Variants in SETD2 observed in about 807,000 individuals in gnomAD.
SETD2 encodes histone-lysine N-methyltransferase SETD2.
SETD2 carries 31 observed loss-of-function variants against 242.1 expected under a neutral mutation model. That is an observed-to-expected ratio of 0.13 (90% CI 0.10 to 0.17). The LOEUF (loss-of-function observed/expected upper bound fraction) is 0.17, where lower values mean the gene tolerates loss of function less well. SETD2 is among the 10% of genes least tolerant of loss of function. The pLI, the probability that SETD2 is intolerant of heterozygous loss-of-function variation, is 1.00. For missense variants in SETD2, 2,481 were observed against 3,046.3 expected (o/e 0.81, Z 4.37); for synonymous variants, 1,006 against 1,066.5 (o/e 0.94, Z 1.11).
At chr3:47,021,713 T>C (rs1338915259) in intron 18 of SETD2, among the ~76,000 whole-genome samples, 1 of 152,194 alleles carries the variant, frequency 6.6e-6, no homozygotes, top group Non-Finnish European at 1.5e-5. Flanking sequence ...GCAAATGGCA[T>C]GGGAAATAAT....
intron 15 of SETD2, among the ~76,000 whole-genome samples, chr3:47,047,648 T>G (rs1203327936): frequency 6.6e-6 from 1 of 152,202 alleles, no homozygotes; most frequent in Non-Finnish European, 1.5e-5. Flanking sequence ...GAATAATTAC[T>G]GACAGGACAC....
intron 1 of SETD2, among the ~76,000 whole-genome samples, chr3:47,153,810 G>T (rs1575852220): frequency 6.7e-6 from 1 of 148,768 alleles, no homozygotes. Flanking sequence ...CTTTTTAAAA[G>T]AAACAAGTAA....
chr3:47,078,518 CCTTT>C (rs2041190322), intron 12 of SETD2, among the ~76,000 whole-genome samples: 1 of 125,390 alleles, frequency 8.0e-6, no homozygotes, highest in Admixed American at 8.5e-5. Context: ...AGATTCTCAG[CCTTT>C]TTTTTTTTTT....
At chr3:47,164,259 C>T (rs57788103), upstream of SETD2, among the ~76,000 whole-genome samples, 2 of 152,148 alleles carry the variant, frequency 1.3e-5, no homozygotes, top group African/African-American at 2.4e-5. The surrounding 1 kb of genome is among the most constrained non-coding windows in gnomAD (Gnocchi z 5.4). Context: ...CAGGCCGGGA[C>T]GGGCAGAGCG....
At position 47,016,937 on chromosome 3, in the gene SETD2, G is replaced by A; in HGVS notation, c.*156C>T. 5 of 672,332 alleles carry A rather than the reference G, an allele frequency of 7.4e-6. No homozygotes were observed. The East Asian group carries it at 7.9e-5, about 11-fold the overall frequency. 41.6% of individuals were successfully genotyped at this position (672,332 alleles called of 1,614,324 possible). ...TCACTTGTAGATGGAGTTCATTTTT[G>A]TGGCCTTCAGTTGACATCTGCAGGG... On this transcript the variant is annotated 3_prime_UTR_variant, in exon 21 of 21. Transcript: ENST00000409792.
chr3:47,022,985 T>C (rs1431973304), intron 18 of SETD2, among the ~76,000 whole-genome samples: 1 of 152,218 alleles, frequency 6.6e-6, no homozygotes, highest in Admixed American at 6.5e-5. Context: ...GACATGACTA[T>C]GTCACAAAGC....
chr3:47,022,197 A>T (rs927285973), intron 18 of SETD2, among the ~76,000 whole-genome samples: 3 of 123,856 alleles, frequency 2.4e-5, no homozygotes, highest in African/African-American at 8.7e-5. Flanking sequence ...AATCTGTCAC[A>T]CACACACACA....
At chr3:47,062,367 G>GT (rs751382451) in intron 13 of SETD2, 21 bp from the exon 14 acceptor site, 46 of 1,413,344 alleles carry the variant, frequency 3.3e-5, no homozygotes, top group East Asian at 2.1e-4. Flanking sequence ...AGGGTGGTTT[G>GT]TTTGTTTTTT....
chr3:47,089,598 G>T (rs985904030), intron 9 of SETD2, among the ~76,000 whole-genome samples: 2 of 151,756 alleles, frequency 1.3e-5, no homozygotes, highest in Admixed American at 1.3e-4. Context: ...TGTAAATAAC[G>T]GGGGGTGGGA....
In SETD2 at chr3:47,057,418, C is replaced by A; in HGVS notation, c.6366G>T (p.Arg2122=). The A allele has an allele frequency of 3.7e-6, 6 of 1,614,164 alleles. No homozygotes were observed. Among genetic ancestry groups the A allele is most frequent in the Non-Finnish European group, 5.1e-6 (6 of 1,180,030 alleles). Residue 2122 remains arginine, a synonymous_variant, in exon 15 of 21, where the codon CGG becomes CGT. Transcript: ENST00000409792. The part of the protein sequence containing the change: ...DRNKLSTEER[R]KLFEQEVAQR... ...GAGCCACCTCTTGCTCAAACAACTT[C>A]CGGCGTTCCTCTGTAGAAAGTTTAT...
chr3:47,068,173 G>A (rs1559684949), intron 12 of SETD2, among the ~76,000 whole-genome samples: 1 of 152,164 alleles, frequency 6.6e-6, no homozygotes, highest in Non-Finnish European at 1.5e-5. Flanking sequence ...AGTACATAAG[G>A]TGATATCATC....
At chr3:47,045,288 G>A (rs1465595332) in intron 16 of SETD2, among the ~76,000 whole-genome samples, 1 of 152,088 alleles carries the variant, frequency 6.6e-6, no homozygotes, top group Non-Finnish European at 1.5e-5. Context: ...GGGAGGCCAA[G>A]GCGGGTAGAT....
At chr3:47,136,754 G>C (rs1008243669) in intron 1 of SETD2, among the ~76,000 whole-genome samples, 3 of 152,130 alleles carry the variant, frequency 2.0e-5, no homozygotes, top group Non-Finnish European at 4.4e-5. Context: ...AGGAGTTCCA[G>C]ACCAGCCTGG....
intron 11 of SETD2, among the ~76,000 whole-genome samples, chr3:47,085,727 T>C (rs2107644198): frequency 6.6e-6 from 1 of 152,386 alleles, no homozygotes; most frequent in East Asian, 1.9e-4. Flanking sequence ...GTAACTCCAC[T>C]AATAATGCTG....
At chr3:47,063,013 G>T (rs1420537990) in intron 13 of SETD2, among the ~76,000 whole-genome samples, 2 of 152,018 alleles carry the variant, frequency 1.3e-5, no homozygotes, top group African/African-American at 2.4e-5. Flanking sequence ...TATAAATGGG[G>T]GACTGGTTCC....
In SETD2 at chr3:47,086,275, G is replaced by A. The variant is rs758473163; in HGVS notation, c.5317C>T (p.Arg1773Cys). 20 of 1,612,856 alleles carry A rather than the reference G, an allele frequency of 1.2e-5. No homozygotes were observed. Among genetic ancestry groups the A allele is most frequent in the Middle Eastern group, 3.3e-4 (2 of 6,078 alleles). ...SQSCLKSFLE[R>C]HGLSLLWIWM... ...ATCCACAACAAAGACAGCCCATGAC[G>A]TTCCAGAAAGGACTTCAGGCAGGAC... The change falls in exon 11 of 21, where the codon CGT becomes TGT. Residue 1773 changes from arginine (R) to cysteine (C), a missense_variant. This residue lies in a region of SETD2 where 62 missense variants were observed against 136.7 expected (regional missense o/e 0.45). Coordinates refer to ENST00000409792, the MANE Select transcript of SETD2 (RefSeq NM_014159.7).
intron 4 of SETD2, 35 bp from the exon 5 acceptor site, chr3:47,114,039 A>C: frequency 6.3e-7 from 1 of 1,588,456 alleles, no homozygotes; most frequent in Non-Finnish European, 8.5e-7. Flanking sequence ...TAATTCTTTA[A>C]AGCAGCAAAA....
chr3:47,074,991 G>C (rs1204842580), intron 12 of SETD2, among the ~76,000 whole-genome samples: 3 of 152,116 alleles, frequency 2.0e-5, no homozygotes, highest in Non-Finnish European at 2.9e-5. Context: ...AAAATTAGCT[G>C]GGCGTGGTGG....
At position 47,041,652 on chromosome 3, in the gene SETD2, C is replaced by G. The variant is rs56362203; in HGVS notation, c.7238+909G>C. Among the ~76,000 whole-genome samples the G allele has an allele frequency of 2.6e-3, 396 of 152,074 alleles. 2 individuals are homozygous for G. Among genetic ancestry groups the G allele is most frequent in the African/African-American group, 9.0e-3 (373 of 41,472 alleles). On this transcript the variant is annotated intron_variant, in intron 17 of 20. Transcript: ENST00000409792. ...GTGTATATATACACACACACACACA[C>G]AGAGACACACACACACAAAGTACAT...
Sources: gnomAD v4.1 joint callset for allele counts (sites outside exome capture counted in the v4.1 genomes callset) on GRCh38, gnomAD v4.1.1 for gene constraint, gnomAD v4.1.1 regional missense constraint, Gnocchi (gnomAD v3.1) non-coding constraint, MANE v1.5 for transcripts, NCBI Gene and HGNC (gene_info 2026-07-23, HGNC 2026-07-21) for gene names.